Variants in LRFN5 observed in about 807,000 individuals in gnomAD.
The protein encoded by LRFN5 is leucine-rich repeat and fibronectin type-III domain-containing protein 5.
Under a neutral mutation model 45.6 loss-of-function variants are expected in LRFN5, and 24 were observed. That is an observed-to-expected ratio of 0.53 (90% CI 0.38 to 0.74). LRFN5 has a LOEUF of 0.74. Among genes scored for constraint, LRFN5 ranks in the 30% least tolerant of loss-of-function variants. LRFN5 has a pLI of 0.00. For synonymous variants in LRFN5, 340 were observed against 313.8 expected (o/e 1.08, Z -0.88); for missense variants, 776 against 861.5 (o/e 0.90, Z 1.24).
chr14:41,818,312 A>G (rs571300046), intron 2 of LRFN5, among the ~76,000 whole-genome samples: 3 of 151,956 alleles, frequency 2.0e-5, no homozygotes, highest in African/African-American at 7.2e-5. Context: ...TGCTTTTTAT[A>G]TATATTTCAA....
intron 1 of LRFN5, among the ~76,000 whole-genome samples, chr14:41,730,829 TA>T (rs886746806): frequency 3.6e-4 from 53 of 149,004 alleles, no homozygotes; most frequent in East Asian, 9.7e-4. Context: ...GATGAGAGTT[TA>T]AAAAAAAAAT....
At chr14:41,639,281 G>A (rs904512596) in intron 1 of LRFN5, among the ~76,000 whole-genome samples, 3 of 152,084 alleles carry the variant, frequency 2.0e-5, no homozygotes, top group Non-Finnish European at 4.4e-5. Flanking sequence ...AGGATGGACA[G>A]TCTGATAAAT....
At chr14:41,724,277 C>A (rs1338375535) in intron 1 of LRFN5, among the ~76,000 whole-genome samples, 1 of 152,092 alleles carries the variant, frequency 6.6e-6, no homozygotes, top group African/African-American at 2.4e-5. Context: ...CCCTGGTATT[C>A]CATCTTGGGA....
intron 2 of LRFN5, among the ~76,000 whole-genome samples, chr14:41,875,156 G>A (rs1890146206): frequency 6.6e-6 from 1 of 152,186 alleles, no homozygotes; most frequent in Non-Finnish European, 1.5e-5. Context: ...TTAATTAATT[G>A]AAGTTTTATA....
chr14:41,683,812 A>G (rs1381269328), intron 1 of LRFN5, among the ~76,000 whole-genome samples: 1 of 152,158 alleles, frequency 6.6e-6, no homozygotes, highest in African/African-American at 2.4e-5. Flanking sequence ...ATACAAAAAT[A>G]GAGAGATATT....
At chr14:41,622,602 C>T (rs1179448119) in intron 1 of LRFN5, among the ~76,000 whole-genome samples, 1 of 151,884 alleles carries the variant, frequency 6.6e-6, no homozygotes, top group African/African-American at 2.4e-5. Context: ...AATAAACAAG[C>T]TACAAGGTTG....
At chr14:41,685,427 G>GA (rs1882077883) in intron 1 of LRFN5, among the ~76,000 whole-genome samples, 1 of 152,002 alleles carries the variant, frequency 6.6e-6, no homozygotes, top group Non-Finnish European at 1.5e-5. Context: ...AACAGATAGA[G>GA]AAAAATGTGT....
At chr14:41,741,186 C>T (rs900687014) in intron 1 of LRFN5, among the ~76,000 whole-genome samples, 1 of 151,294 alleles carries the variant, frequency 6.6e-6, no homozygotes, top group Non-Finnish European at 1.5e-5. Context: ...ATCAGAATTC[C>T]AATTTGTTTT....
At chr14:41,756,306 T>G (rs1255764904) in intron 1 of LRFN5, among the ~76,000 whole-genome samples, 5 of 152,296 alleles carry the variant, frequency 3.3e-5, no homozygotes, top group African/African-American at 1.2e-4. Flanking sequence ...AATTTGAATG[T>G]TGGTCTGCCT....
chr14:41,801,875 G>T (rs1457571584), intron 2 of LRFN5, among the ~76,000 whole-genome samples: 1 of 152,130 alleles, frequency 6.6e-6, no homozygotes, highest in Non-Finnish European at 1.5e-5. Flanking sequence ...GACATCCCAA[G>T]TGGGTCTTAA....
intron 1 of LRFN5, among the ~76,000 whole-genome samples, chr14:41,633,233 AT>A (rs562807352): frequency 7.9e-5 from 12 of 152,092 alleles, no homozygotes; most frequent in Admixed American, 2.0e-4. Context: ...ATAAGAAAAA[AT>A]ATATAGTACT....
chr14:41,785,715 C>G (rs1307217279), intron 2 of LRFN5, among the ~76,000 whole-genome samples: 2 of 150,452 alleles, frequency 1.3e-5, no homozygotes, highest in Non-Finnish European at 3.0e-5. Flanking sequence ...GTGGGAGGCC[C>G]GAGGCTGTTT....
At chr14:41,819,797 C>T (rs886077950) in intron 2 of LRFN5, among the ~76,000 whole-genome samples, 1 of 152,094 alleles carries the variant, frequency 6.6e-6, no homozygotes, top group Non-Finnish European at 1.5e-5. Context: ...AATCACCTTC[C>T]ACCAGGCCCC....
At chr14:41,732,783 CA>C (rs140631411) in intron 1 of LRFN5, among the ~76,000 whole-genome samples, 5,328 of 141,034 alleles carry the variant, frequency 0.038, 311 homozygotes, top group African/African-American at 0.12. Context: ...ATCTACTAGA[CA>C]AAAAAAAAAT....
intron 1 of LRFN5, among the ~76,000 whole-genome samples, chr14:41,724,533 T>C (rs1363197959): frequency 6.6e-6 from 1 of 152,148 alleles, no homozygotes; most frequent in Non-Finnish European, 1.5e-5. Context: ...ATCTAAAAAC[T>C]GTTCATAAGC....
chr14:41,900,315 T>C (rs1395299165), intron 5 of LRFN5, among the ~76,000 whole-genome samples: 2 of 152,178 alleles, frequency 1.3e-5, no homozygotes, highest in Admixed American at 6.6e-5. Context: ...TTTTGAAAGA[T>C]TCACATTTGA....
intron 2 of LRFN5, among the ~76,000 whole-genome samples, chr14:41,856,795 GC>G (rs1276680475): frequency 7.0e-6 from 1 of 143,552 alleles, no homozygotes; most frequent in African/African-American, 2.6e-5. Flanking sequence ...TCCTGCCTCA[GC>G]CTCCCGAGTA....
intron 1 of LRFN5, among the ~76,000 whole-genome samples, chr14:41,673,448 G>A (rs1881353807): frequency 7.2e-6 from 1 of 139,168 alleles, no homozygotes; most frequent in African/African-American, 2.8e-5. Flanking sequence ...CGGGGGGGCT[G>A]ACCCCCCCAC....
chr14:41,740,491 C>A (rs1884644902), intron 1 of LRFN5, among the ~76,000 whole-genome samples: 1 of 151,826 alleles, frequency 6.6e-6, no homozygotes, highest in African/African-American at 2.4e-5. Flanking sequence ...AAACATTTGA[C>A]TACATTTAAC....
Sources: gnomAD v4.1 joint callset for allele counts (sites outside exome capture counted in the v4.1 genomes callset) on GRCh38, gnomAD v4.1.1 for gene constraint, MANE v1.5 for transcripts, NCBI Gene and HGNC (gene_info 2026-07-23, HGNC 2026-07-21) for gene names.